SLC8A1: variants seen among roughly 807,000 people sequenced by gnomAD.
SLC8A1 encodes the protein sodium/calcium exchanger 1.
A neutral mutation model predicts 68.3 loss-of-function variants in SLC8A1; 18 were observed. That is an observed-to-expected ratio of 0.26 (90% CI 0.18 to 0.39). The LOEUF is 0.39. Among genes scored for constraint, SLC8A1 ranks in the 10% least tolerant of loss-of-function variants. The probability of loss-of-function intolerance (pLI) is 1.00; values close to 1 mark genes in which losing one functional copy is unlikely to be tolerated. For missense variants in SLC8A1, 985 were observed against 1,156.7 expected (o/e 0.85, Z 2.15); for synonymous variants, 475 against 415.5 (o/e 1.14, Z -1.74).
chr2:40,185,967 G>T (rs2050627719), intron 2 of SLC8A1, among the ~76,000 whole-genome samples: 1 of 152,120 alleles, frequency 6.6e-6, no homozygotes, highest in South Asian at 2.1e-4. Context: ...TGCTGTGTCT[G>T]TCTGTACCCT....
At chr2:40,507,591 G>A (rs537710279) in intron 1 of SLC8A1, among the ~76,000 whole-genome samples, 5 of 151,910 alleles carry the variant, frequency 3.3e-5, no homozygotes, top group Non-Finnish European at 5.9e-5. Flanking sequence ...TAAAAGGCAC[G>A]GAAATGACTG....
At position 40,335,425 on chromosome 2, in the gene SLC8A1, G is replaced by T. The variant is rs557814870; in HGVS notation, c.1808+93048C>A. On this transcript the variant is annotated intron_variant, in intron 2 of 7. Transcript: ENST00000406785. ...ACACTCCCTGTAATTAAGCAAAAGT[G>T]GTTAGTCTATAACCATAATTAAATT... is the stretch of plus-strand genomic sequence containing the variant. Among the ~76,000 whole-genome samples the T allele has an allele frequency of 3.6e-4, 55 of 152,296 alleles. 2 individuals carry two copies. The highest frequency in any genetic ancestry group is 3.4e-3 in the Admixed American group (52 of 15,292).
At chr2:40,112,031 T>A (rs2034589440) in exon 8 of SLC8A1, 1 of 152,188 alleles carries the variant, frequency 6.6e-6, no homozygotes, top group Admixed American at 6.5e-5. Flanking sequence ...TGACACTGTG[T>A]TCTCCTGGGA....
At position 40,372,265 on chromosome 2, in the gene SLC8A1, G is replaced by C. The variant is rs149371907; in HGVS notation, c.1808+56208C>G. 9.1e-3 allele frequency among the ~76,000 whole-genome samples: 1,390 copies of C among 152,196 alleles called. 62 individuals are homozygous for C. The highest frequency in any genetic ancestry group is 0.078 in the Admixed American group (1,187 of 15,276). On this transcript the variant is annotated intron_variant, in intron 2 of 7. Coordinates refer to ENST00000406785, the Ensembl canonical transcript of SLC8A1. ...CCTAAGGGGAAGAAAAAGAAAAGAAGAGGGGGAGAAAAAATAAACACCCAG... is the reference window on the plus strand; with the variant it reads ...CCTAAGGGGAAGAAAAAGAAAAGAACAGGGGGAGAAAAAATAAACACCCAG...
chr2:40,139,279 G>A (rs2041121121), intron 7 of SLC8A1, 122 bp downstream of exon 10: 1 of 1,080,934 alleles, frequency 9.3e-7, no homozygotes, highest in Non-Finnish European at 1.3e-6. Context: ...TATACCTCAG[G>A]GCTCTCGTCT....
At chr2:40,126,578 CTT>C (rs2038141755) in intron 7 of SLC8A1, among the ~76,000 whole-genome samples, 6 of 152,016 alleles carry the variant, frequency 3.9e-5, no homozygotes, top group Non-Finnish European at 8.8e-5. Context: ...AAGAAAATAA[CTT>C]TTCAGTTTCT....
intron 2 of SLC8A1, among the ~76,000 whole-genome samples, chr2:40,193,838 C>T (rs1014569829): frequency 6.6e-6 from 1 of 152,094 alleles, no homozygotes; most frequent in Non-Finnish European, 1.5e-5. Flanking sequence ...AATAATTAGC[C>T]AGGTACCCCT....
chr2:40,318,872 T>TC (rs778018641), intron 2 of SLC8A1, among the ~76,000 whole-genome samples: 8 of 152,120 alleles, frequency 5.3e-5, no homozygotes, highest in Admixed American at 1.3e-4. Context: ...TTCTTTTTTT[T>TC]CCCTCAACTT....
intron 2 of SLC8A1, among the ~76,000 whole-genome samples, chr2:40,395,581 C>A (rs11891249): frequency 1.3e-5 from 2 of 152,054 alleles, no homozygotes; most frequent in Admixed American, 1.3e-4. Context: ...CAGAGCAAGA[C>A]AGCACAGAGG....
chr2:40,240,064 T>G (rs2061006380), intron 2 of SLC8A1, among the ~76,000 whole-genome samples: 1 of 152,204 alleles, frequency 6.6e-6, no homozygotes, highest in African/African-American at 2.4e-5. Flanking sequence ...GGGAAACATC[T>G]ATGGAGCTTA....
At chr2:40,272,995 T>G (rs1207970431) in intron 2 of SLC8A1, among the ~76,000 whole-genome samples, 1 of 152,162 alleles carries the variant, frequency 6.6e-6, no homozygotes, top group African/African-American at 2.4e-5. Flanking sequence ...CAGGCTGGAG[T>G]GCATTGGCAG....
chr2:40,151,856 A>G (rs1417823264), intron 6 of SLC8A1, among the ~76,000 whole-genome samples: 1 of 152,226 alleles, frequency 6.6e-6, no homozygotes. Context: ...ATAAAGTACT[A>G]GTTTTCAAAT....
intron 2 of SLC8A1, among the ~76,000 whole-genome samples, chr2:40,339,435 G>T (rs1389684256): frequency 6.6e-6 from 1 of 152,200 alleles, no homozygotes; most frequent in Non-Finnish European, 1.5e-5. Flanking sequence ...GCTCTCTAAA[G>T]TGAGGCAGTG....
At chr2:40,378,642 C>T (rs2149538558) in intron 2 of SLC8A1, among the ~76,000 whole-genome samples, 1 of 152,190 alleles carries the variant, frequency 6.6e-6, no homozygotes, top group Non-Finnish European at 1.5e-5. Context: ...TTGTACCTTT[C>T]CTGTGGAAGA....
intron 2 of SLC8A1, among the ~76,000 whole-genome samples, chr2:40,264,711 G>A (rs899093754): frequency 2.0e-5 from 3 of 152,156 alleles, no homozygotes; most frequent in African/African-American, 4.8e-5. Context: ...GGGGTGGGGT[G>A]AGGGAGAGGG....
At position 40,280,088 on chromosome 2, in the gene SLC8A1, A is replaced by T. The variant is rs543057472; in HGVS notation, c.1809-102233T>A. The stretch of plus-strand genomic sequence containing the variant: ...AGTTAGTGAAAATGAAAAGAACTTT[A>T]AACCCTAGCCTTTTAGATAGATTTC... On this transcript the variant is annotated intron_variant, in intron 2 of 7. Coordinates refer to ENST00000406785, the Ensembl canonical transcript of SLC8A1. Among the ~76,000 whole-genome samples the T allele has an allele frequency of 1.2e-4, 18 of 152,258 alleles. No homozygotes were observed. The South Asian group carries it at 3.7e-3, about 32-fold the overall frequency.
At chr2:40,450,015 T>G (rs772153094) in intron 1 of SLC8A1, among the ~76,000 whole-genome samples, 1 of 152,184 alleles carries the variant, frequency 6.6e-6, no homozygotes, top group Non-Finnish European at 1.5e-5. Context: ...AGGCAGAATT[T>G]GTAAAACGAA....
intron 2 of SLC8A1, among the ~76,000 whole-genome samples, chr2:40,225,894 T>C (rs1020077480): frequency 3.3e-5 from 5 of 152,192 alleles, no homozygotes; most frequent in African/African-American, 1.2e-4. Flanking sequence ...AATGGCAAGC[T>C]TCAGCGTTAG....
chr2:40,308,472 C>T (rs149571310), intron 2 of SLC8A1, among the ~76,000 whole-genome samples: 41 of 152,184 alleles, frequency 2.7e-4, no homozygotes, highest in African/African-American at 9.6e-4. Flanking sequence ...CCAAAGACTT[C>T]GTGGTTTGAG....
Sources: allele counts gnomAD v4.1 joint callset (sites outside exome capture counted in the v4.1 genomes callset), GRCh38; gene constraint gnomAD v4.1.1; transcripts MANE v1.5; gene names NCBI Gene and HGNC (gene_info 2026-07-23, HGNC 2026-07-21).